Variants in FOXN4 observed in about 807,000 individuals in gnomAD.
FOXN4 encodes the protein forkhead box protein N4.
Under a neutral mutation model 45.0 loss-of-function variants are expected in FOXN4, and 12 were observed. That is an observed-to-expected ratio of 0.27 (90% CI 0.17 to 0.43). The LOEUF (loss-of-function observed/expected upper bound fraction) is 0.43, where lower values mean the gene tolerates loss of function less well. FOXN4 is among the 20% of genes least tolerant of loss of function. FOXN4 has a pLI of 1.00. For missense variants in FOXN4, 560 were observed against 694.9 expected, an observed-to-expected ratio of 0.81 and a Z score of 2.18; for synonymous variants, 297 against 295.0, an observed-to-expected ratio of 1.01 and a Z score of -0.07.
chr12:109,292,081 G>A (rs1469274717), intron 2 of FOXN4, among the ~76,000 whole-genome samples: 5 of 152,236 alleles, frequency 3.3e-5, no homozygotes, highest in African/African-American at 2.4e-5. Flanking sequence ...GGCAGGGCCT[G>A]CTATGCCACC....
At chr12:109,297,853 G>T (rs1024062211) in intron 2 of FOXN4, among the ~76,000 whole-genome samples, 8 of 152,098 alleles carry the variant, frequency 5.3e-5, no homozygotes, top group Non-Finnish European at 1.5e-5. Flanking sequence ...TAAATTCATT[G>T]AAATAAAATC....
chr12:109,289,265 A>G (rs2047744041), intron 3 of FOXN4, among the ~76,000 whole-genome samples: 1 of 152,220 alleles, frequency 6.6e-6, no homozygotes, highest in South Asian at 2.1e-4. Context: ...GTTTTTGTAA[A>G]TAAAGTTTTA....
At chr12:109,299,476 T>C (rs2047849409) in intron 2 of FOXN4, among the ~76,000 whole-genome samples, 2 of 151,912 alleles carry the variant, frequency 1.3e-5, no homozygotes, top group Non-Finnish European at 2.9e-5. Context: ...CTTTAACAGA[T>C]AGGAAAGGTG....
rs988544308 is a variant in FOXN4, at chr12:109,278,578, G to A, written c.*1093C>T. ...TGAAGTTTTGTCCACCACTTGCCAC[G>A]TGGTTCGAGCTTTACGTGGTTCAGT... is the stretch of plus-strand genomic sequence containing the variant. On this transcript the variant is annotated 3_prime_UTR_variant, in exon 10 of 10. Transcript: ENST00000299162. 7 of 152,170 alleles carry A rather than the reference G, an allele frequency of 4.6e-5. No individual in the cohort carries two copies. The highest frequency in any genetic ancestry group is 4.1e-4 in the South Asian group (2 of 4,828). 9.4% of individuals were successfully genotyped at this position (152,170 alleles called of 1,614,324 possible).
intron 8 of FOXN4, among the ~76,000 whole-genome samples, chr12:109,283,754 G>C (rs978980262): frequency 1.3e-5 from 2 of 152,180 alleles, no homozygotes; most frequent in Non-Finnish European, 2.9e-5. Context: ...GGGATTATGG[G>C]CATGAGCCAC....
chr12:109,284,140 C>T (rs1466856211), intron 8 of FOXN4, among the ~76,000 whole-genome samples: 1 of 152,246 alleles, frequency 6.6e-6, no homozygotes, highest in African/African-American at 2.4e-5. Context: ...CTATTTTAAA[C>T]ATCTCTGACA....
chr12:109,295,875 C>T (rs1021003380), intron 2 of FOXN4, among the ~76,000 whole-genome samples: 1 of 152,226 alleles, frequency 6.6e-6, no homozygotes, highest in Non-Finnish European at 1.5e-5. Flanking sequence ...CTGTGTCTGT[C>T]ACTGTAACTG....
At chr12:109,283,361 TCA>T (rs1470330280) in intron 8 of FOXN4, among the ~76,000 whole-genome samples, 4 of 152,164 alleles carry the variant, frequency 2.6e-5, no homozygotes, top group Non-Finnish European at 5.9e-5. Context: ...TCGCTCTCTC[TCA>T]GATACATACA....
At chr12:109,303,369 T>C (rs750173860) in intron 2 of FOXN4, among the ~76,000 whole-genome samples, 5 of 152,188 alleles carry the variant, frequency 3.3e-5, no homozygotes, top group Non-Finnish European at 7.3e-5. Context: ...CCACACGCAG[T>C]GTGGGTTCAA....
chr12:109,281,723 G>T lies in FOXN4; in HGVS notation c.978C>A (p.Pro326=). 6.2e-7 allele frequency: 1 copy of T among 1,609,740 alleles called. No individual in the cohort carries two copies. The highest frequency in any genetic ancestry group is 8.5e-7 in the Non-Finnish European group (1 of 1,178,410). The change falls in exon 9 of 10, where the codon CCC becomes CCA. Residue 326 remains proline (P), a synonymous_variant. Transcript: ENST00000299162. ...RPGKPGEPEA[P]VLTHATTVAV... is the part of the protein sequence containing the mutation. ...CCACTGTGGTGGCGTGAGTCAGCAC[G>T]GGGGCCTCTGGTTCCCCCGGTTTGC...
intron 6 of FOXN4, 49 bp from the exon 7 acceptor site, chr12:109,286,793 C>G (rs553040382): frequency 1.9e-6 from 3 of 1,562,754 alleles, no homozygotes; most frequent in Non-Finnish European, 1.7e-6. Context: ...ACAGGGCAGG[C>G]CAGGCATGAA....
intron 7 of FOXN4, among the ~76,000 whole-genome samples, chr12:109,286,014 C>T (rs1185422728): frequency 1.3e-5 from 2 of 152,020 alleles, no homozygotes; most frequent in Admixed American, 1.3e-4. Context: ...TACAGTCGTG[C>T]ACCACCAGCA....
At chr12:109,283,807 A>G (rs949135144) in intron 8 of FOXN4, among the ~76,000 whole-genome samples, 1 of 152,242 alleles carries the variant, frequency 6.6e-6, no homozygotes, top group Non-Finnish European at 1.5e-5. Context: ...AAATATTTTA[A>G]AATATTTCTC....
At chr12:109,280,752 C>T (rs936602908) in intron 9 of FOXN4, among the ~76,000 whole-genome samples, 54 of 152,342 alleles carry the variant, frequency 3.5e-4, no homozygotes, top group African/African-American at 1.3e-3. Context: ...AACATAAGAG[C>T]TGCACCTGTG....
intron 2 of FOXN4, among the ~76,000 whole-genome samples, chr12:109,304,526 C>T (rs1245067791): frequency 6.6e-6 from 1 of 152,206 alleles, no homozygotes; most frequent in Non-Finnish European, 1.5e-5. Flanking sequence ...TCAGGACCAC[C>T]CCCAGTCCCC....
chr12:109,294,027 G>C (rs535222665), intron 2 of FOXN4, among the ~76,000 whole-genome samples: 35 of 152,322 alleles, frequency 2.3e-4, no homozygotes, highest in African/African-American at 8.4e-4. Context: ...ACCCGGGTCT[G>C]TCTGCCTCCC....
chr12:109,309,009 G>C lies in FOXN4; in HGVS notation c.-4+110C>G, dbSNP rs962855463. On this transcript the variant is annotated intron_variant, in intron 1 of 9. Transcript: ENST00000299162. The surrounding 1 kb of genome is among the most constrained non-coding windows in gnomAD (Gnocchi z 5.0). ...AGGATTCCCAGGAAGGAGGAAAAGG[G>C]AGCAGAGGGAGGCGGCCCCGCAGCC... 2.0e-5 allele frequency: 3 copies of C among 152,404 alleles called. No homozygotes were observed. The highest frequency in any genetic ancestry group is 2.9e-5 in the Non-Finnish European group (2 of 68,182). 9.4% of individuals were successfully genotyped at this position (152,404 alleles called of 1,614,324 possible).
intron 2 of FOXN4, among the ~76,000 whole-genome samples, chr12:109,305,497 G>A (rs1238484509): frequency 2.0e-5 from 3 of 152,132 alleles, no homozygotes; most frequent in African/African-American, 7.2e-5. Flanking sequence ...GAGGGAGGTC[G>A]AGGCAAGTGG....
intron 8 of FOXN4, 46 bp downstream of exon 8, chr12:109,285,258 T>C: frequency 6.5e-7 from 1 of 1,536,626 alleles, no homozygotes; most frequent in Non-Finnish European, 8.8e-7. Flanking sequence ...TGTGTGTGTG[T>C]GTGTGTGTGT....
Sources: gnomAD v4.1 joint callset for allele counts (sites outside exome capture counted in the v4.1 genomes callset) on GRCh38, gnomAD v4.1.1 for gene constraint, Gnocchi (gnomAD v3.1) non-coding constraint, MANE v1.5 for transcripts, NCBI Gene and HGNC (gene_info 2026-07-23, HGNC 2026-07-21) for gene names.